The following SERF2 variants were observed in gnomAD, a reference collection of about 807,000 sequenced individuals.
SERF2 encodes small EDRK-rich factor 2, also known as gastric cancer-related protein VRG107.
SERF2 carries 4 observed loss-of-function variants against 10.7 expected under a neutral mutation model. The ratio of observed to expected loss-of-function variants is 0.37; its 90% CI spans 0.18 to 0.86. SERF2 has a LOEUF of 0.86. SERF2 is among the 40% of genes least tolerant of loss of function. The pLI is 0.43. For missense variants in SERF2, 47 were observed against 79.1 expected (o/e 0.59, Z 1.54); for synonymous variants, 26 against 26.0 (o/e 1.00, Z 0.01).
intron 1 of SERF2, chr15:43,792,730 C>G (rs2087094191): frequency 3.3e-6 from 3 of 908,658 alleles, no homozygotes; most frequent in Non-Finnish European, 4.8e-6. Flanking sequence ...GGGCCCCACG[C>G]CGCCCCAAAA....
rs755230066 is a variant in SERF2 at position 43,793,063 on chromosome 15, T to C, written c.96T>C (p.Ser32=). The change falls in exon 2 of 3, where the codon TCT becomes TCC. Residue 32 remains serine, a synonymous_variant. Transcript: ENST00000249786. ...VKGKRRDDGL[S]AAARKQRDSE... ...GAAAGCGCCGAGATGACGGGCTTTC[T>C]GCTGCCGCCCGCAAGCAGAGGTAGC... 6.2e-6 allele frequency: 10 copies of C among 1,611,740 alleles called. No individual in the cohort carries two copies. In the South Asian group the frequency reaches 9.9e-5, roughly 16 times the overall value.
chr15:43,778,581 CAAAAAAAAAAAAAAAAAAAAA>C (rs145368177), intron 1 of SERF2, among the ~76,000 whole-genome samples: 5 of 28,932 alleles, frequency 1.7e-4, no homozygotes, highest in East Asian at 1.6e-3. Flanking sequence ...GATTCCATCT[CAAAAAAAAAAAAAAAAAAAAA>C]AAAAAAAAAA....
At position 43,794,082 on chromosome 15, in the gene SERF2, TG is replaced by T; in HGVS notation, c.*313del. On this transcript the variant is annotated 3_prime_UTR_variant, in exon 3 of 3. Transcript: ENST00000249786. ...TGGTTTGACTGGGGACTTGGGGGGA[TG>T]GGGTTGGAAGAATGACTGCCCTTTC... The T allele has an allele frequency of 8.9e-7, 1 of 1,119,400 alleles. No individual in the cohort carries two copies. Among genetic ancestry groups the T allele is most frequent in the Non-Finnish European group, 1.2e-6 (1 of 813,794 alleles). The allele number at this position is 1,119,400 out of a possible 1,614,324, so 69.3% of individuals were successfully genotyped here. A position where few individuals can be genotyped will look rare whatever the true frequency, so the allele number is the denominator to read the frequency against.
At chr15:43,781,251 A>G (rs1266876333) in intron 1 of SERF2, among the ~76,000 whole-genome samples, 1 of 152,120 alleles carries the variant, frequency 6.6e-6, no homozygotes, top group Non-Finnish European at 1.5e-5. Flanking sequence ...ACAGCACTCA[A>G]TTGAAAAGCT....
Position 43,793,947 on chromosome 15 carries a change from TC to T in SERF2, c.*179del, listed in dbSNP as rs1567168632. 2 of 1,551,378 alleles carry T rather than the reference TC, an allele frequency of 1.3e-6. No homozygotes were observed. The highest frequency in any genetic ancestry group is 2.4e-5 in the East Asian group (1 of 41,160). Reference sequence around the variant, plus strand: ...CTTCCTTCCCCTCAGGTAGCCTCTCTCCCCCTGGGCCACTCCCGGGGGTGAG... The same window carrying T: ...CTTCCTTCCCCTCAGGTAGCCTCTCTCCCCTGGGCCACTCCCGGGGGTGAG... On this transcript the variant is annotated 3_prime_UTR_variant, in exon 3 of 3. Coordinates refer to ENST00000249786, the MANE Select transcript of SERF2 (RefSeq NM_001018108.4).
chr15:43,777,830 CCGA>C (rs954099853), intron 1 of SERF2, among the ~76,000 whole-genome samples: 1 of 152,104 alleles, frequency 6.6e-6, no homozygotes, highest in African/African-American at 2.4e-5. Context: ...CCCAAGAGCC[CCGA>C]TGTTGTCCTG....
At chr15:43,789,562 A>C (rs1038430708), upstream of SERF2, among the ~76,000 whole-genome samples, 3 of 152,176 alleles carry the variant, frequency 2.0e-5, no homozygotes, top group African/African-American at 7.2e-5. Context: ...GTTACTTCAT[A>C]CCAGGTGGAA....
At position 43,793,998 on chromosome 15, in the gene SERF2, T is replaced by A. The variant is rs757971426; in HGVS notation, c.*225T>A. ...GGGGGTTACCCCTTCCCAGTGTTTT[T>A]TATTCCTGTGGGGCTCACCCCAAAG... On this transcript the variant is annotated 3_prime_UTR_variant, in exon 3 of 3. Transcript: ENST00000249786. 14 of 1,491,352 alleles carry A rather than the reference T, an allele frequency of 9.4e-6. No individual in the cohort carries two copies. The South Asian group carries it at 1.8e-4, about 19-fold the overall frequency. The allele number at this position is 1,491,352 out of a possible 1,614,324, so 92.4% of individuals were successfully genotyped here. A position where few individuals can be genotyped will look rare whatever the true frequency, so the allele number is the denominator to read the frequency against.
At chr15:43,793,161 C>A (rs1455483131) in intron 2 of SERF2, 78 bp downstream of exon 2, 6 of 898,344 alleles carry the variant, frequency 6.7e-6, no homozygotes, top group Non-Finnish European at 1.1e-5. Context: ...AGAGAGCTAC[C>A]TCAGGGCTTG....
In SERF2 at chr15:43,794,853, C is replaced by A; in HGVS notation, c.*1080C>A. 1.5e-6 allele frequency: 1 copy of A among 657,194 alleles called. No homozygotes were observed. Among genetic ancestry groups the A allele is most frequent in the Non-Finnish European group, 2.6e-6 (1 of 378,840 alleles). 40.7% of individuals were successfully genotyped at this position (657,194 alleles called of 1,614,324 possible). A position where few individuals can be genotyped will look rare whatever the true frequency, so the allele number is the denominator to read the frequency against. On this transcript the variant is annotated 3_prime_UTR_variant, in exon 3 of 3. Coordinates refer to ENST00000249786, the MANE Select transcript of SERF2 (RefSeq NM_001018108.4). The stretch of plus-strand genomic sequence containing the variant: ...GCCCAGCACATTAGACTGTGTTTGA[C>A]CACTTCTTCCAGTTCATAGTATTGA...
At chr15:43,793,330 G>A (rs1178833786) in intron 2 of SERF2, 3 of 575,776 alleles carry the variant, frequency 5.2e-6, no homozygotes, top group Admixed American at 3.1e-5. Context: ...TGACCTTAAG[G>A]GCAAGGGCAG....
chr15:43,783,553 C>G (rs1374574794), intron 1 of SERF2, among the ~76,000 whole-genome samples: 1 of 147,978 alleles, frequency 6.8e-6, no homozygotes, highest in Non-Finnish European at 1.5e-5. Flanking sequence ...CCACTGGCCT[C>G]GGCCTCCCAA....
chr15:43,783,629 T>A (rs1209836772), intron 1 of SERF2, among the ~76,000 whole-genome samples: 2 of 151,488 alleles, frequency 1.3e-5, no homozygotes, highest in Non-Finnish European at 2.9e-5. Flanking sequence ...AGACAGAATT[T>A]TGCCCTGTTG....
At chr15:43,781,445 G>A (rs1020963045) in intron 1 of SERF2, among the ~76,000 whole-genome samples, 6 of 151,988 alleles carry the variant, frequency 3.9e-5, no homozygotes, top group East Asian at 2.0e-4. Flanking sequence ...CCAGCTACTC[G>A]GGAGGAGGAG....
At chr15:43,792,578 G>A (rs1010036505) in intron 1 of SERF2, 195 bp downstream of exon 1, 2 of 1,466,944 alleles carry the variant, frequency 1.4e-6, no homozygotes, top group East Asian at 2.5e-5. Flanking sequence ...CACCCTCCCG[G>A]GTTAGGCATA....
rs994786181 is a variant in SERF2, at chr15:43,794,219, C to T, written c.*446C>T. ...TACAATGACAACCAAACAAGTACTC[C>T]GGATATGCAGTAGAGGAATCCTCTA... is the stretch of plus-strand genomic sequence containing the variant. On this transcript the variant is annotated 3_prime_UTR_variant, in exon 3 of 3. Coordinates refer to ENST00000249786, the MANE Select transcript of SERF2 (RefSeq NM_001018108.4). 20 of 483,584 alleles carry T rather than the reference C, an allele frequency of 4.1e-5. No individual in the cohort carries two copies. The highest frequency in any genetic ancestry group is 6.2e-5 in the Non-Finnish European group (17 of 273,002). 30.0% of individuals were successfully genotyped at this position (483,584 alleles called of 1,614,324 possible).
intron 1 of SERF2, among the ~76,000 whole-genome samples, chr15:43,782,490 C>T (rs958638979): frequency 6.6e-6 from 1 of 152,120 alleles, no homozygotes; most frequent in Non-Finnish European, 1.5e-5. Flanking sequence ...GTATAACTCT[C>T]CTCTTAGTAT....
At chr15:43,783,720 C>T (rs991461433) in intron 1 of SERF2, among the ~76,000 whole-genome samples, 2 of 152,092 alleles carry the variant, frequency 1.3e-5, no homozygotes, top group African/African-American at 4.8e-5. Context: ...CCACCTCAGC[C>T]TCCCAAGTAG....
Position 43,793,000 on chromosome 15 carries a change from C to T in SERF2, c.33C>T (p.Arg11=), listed in dbSNP as rs760454351. The T allele has an allele frequency of 1.9e-6, 3 of 1,611,980 alleles. No individual in the cohort carries two copies. In the East Asian group the frequency reaches 6.7e-5, roughly 36 times the overall value. Residue 11 remains arginine, a synonymous_variant, in exon 2 of 3, where the codon CGC becomes CGT. Coordinates refer to ENST00000249786, the MANE Select transcript of SERF2 (RefSeq NM_001018108.4). MTRGNQRELA[R]QKNMKKQSDS... is the part of the protein sequence containing the mutation. ...GCGGTAACCAGCGTGAGCTCGCCCGCCAGAAGAATATGAAAAAGCAGAGCG... is the reference window on the plus strand; with the variant it reads ...GCGGTAACCAGCGTGAGCTCGCCCGTCAGAAGAATATGAAAAAGCAGAGCG...
Sources: gnomAD v4.1 joint callset for allele counts (sites outside exome capture counted in the v4.1 genomes callset) on GRCh38, gnomAD v4.1.1 for gene constraint, MANE v1.5 for transcripts, NCBI Gene and HGNC (gene_info 2026-07-23, HGNC 2026-07-21) for gene names.